The following AGBL4 variants were observed in gnomAD, a reference collection of about 807,000 sequenced individuals.
AGBL4 encodes the protein AGBL carboxypeptidase 4.
Under a neutral mutation model 66.4 loss-of-function variants are expected in AGBL4, and 58 were observed. The observed-to-expected ratio is 0.87, with a 90% confidence interval of 0.71 to 1.09. The LOEUF (loss-of-function observed/expected upper bound fraction) is 1.09, where lower values mean the gene tolerates loss of function less well. Among genes scored for constraint, AGBL4 ranks in the 50% least tolerant of loss-of-function variants. The probability of loss-of-function intolerance (pLI) is 0.00; values close to 1 mark genes in which losing one functional copy is unlikely to be tolerated. For missense variants in AGBL4, 579 were observed against 631.0 expected (o/e 0.92, Z 0.88); for synonymous variants, 234 against 222.9 (o/e 1.05, Z -0.44).
intron 2 of AGBL4, among the ~76,000 whole-genome samples, chr1:49,831,283 T>G (rs1343902969): frequency 6.6e-6 from 1 of 152,218 alleles, no homozygotes; most frequent in East Asian, 1.9e-4. Context: ...TCTTATTTCC[T>G]TGAGCAGTGG....
intron 5 of AGBL4, among the ~76,000 whole-genome samples, chr1:48,984,337 CCT>C (rs141454089): frequency 0.01 from 1,573 of 151,506 alleles, 24 homozygotes; most frequent in African/African-American, 0.037. Flanking sequence ...GGAATGTAGC[CCT>C]CTTTCTGCTA....
chr1:49,391,796 C>A (rs1367333829), intron 3 of AGBL4, among the ~76,000 whole-genome samples: 1 of 152,028 alleles, frequency 6.6e-6, no homozygotes, highest in East Asian at 1.9e-4. Flanking sequence ...CTCCTGACCT[C>A]GTGATCTGCC....
At chr1:49,911,830 A>C (rs1172719144) in intron 1 of AGBL4, among the ~76,000 whole-genome samples, 1 of 152,140 alleles carries the variant, frequency 6.6e-6, no homozygotes, top group Non-Finnish European at 1.5e-5. Flanking sequence ...CACTGGTGAA[A>C]AGGCTCACCT....
At chr1:49,109,404 CT>C (rs1225303675) in intron 4 of AGBL4, among the ~76,000 whole-genome samples, 5 of 152,144 alleles carry the variant, frequency 3.3e-5, no homozygotes, top group African/African-American at 1.2e-4. Flanking sequence ...CTCAAAATCC[CT>C]CTGGCATCTA....
intron 5 of AGBL4, among the ~76,000 whole-genome samples, chr1:49,045,224 C>T (rs1644048605): frequency 6.6e-6 from 1 of 152,128 alleles, no homozygotes. Context: ...TGCTTTCATA[C>T]CTTTTGTAAC....
At chr1:49,405,094 T>C (rs1645168442) in intron 3 of AGBL4, among the ~76,000 whole-genome samples, 1 of 152,196 alleles carries the variant, frequency 6.6e-6, no homozygotes, top group African/African-American at 2.4e-5. Flanking sequence ...TCTCTCAATG[T>C]CTACTTCAAA....
At chr1:49,834,687 C>A (rs1411428964) in intron 2 of AGBL4, among the ~76,000 whole-genome samples, 1 of 152,040 alleles carries the variant, frequency 6.6e-6, no homozygotes, top group South Asian at 2.1e-4. Flanking sequence ...TAGATCTTTC[C>A]CACTTTCTTC....
rs142650354 is a variant in AGBL4, at chr1:49,427,327, T to C, written c.283-181463A>G. Reference sequence around the variant, plus strand: ...AGAGAGTTGAATGTTCTACAGAATATAGGGAGAATTTAGAATTTAGAAAGA... The same window carrying C: ...AGAGAGTTGAATGTTCTACAGAATACAGGGAGAATTTAGAATTTAGAAAGA... On this transcript the variant is annotated intron_variant, in intron 3 of 13. Coordinates refer to ENST00000371839, the MANE Select transcript of AGBL4 (RefSeq NM_032785.4). 2.1e-3 allele frequency among the ~76,000 whole-genome samples: 318 copies of C among 151,970 alleles called. 3 individuals are homozygous for C. The highest frequency in any genetic ancestry group is 4.0e-3 in the Non-Finnish European group (273 of 67,974).
intron 1 of AGBL4, among the ~76,000 whole-genome samples, chr1:49,937,832 T>C (rs895094953): frequency 1.3e-5 from 2 of 151,858 alleles, no homozygotes; most frequent in African/African-American, 4.8e-5. Flanking sequence ...CTGGGACACA[T>C]TCAAAGCAGT....
intron 1 of AGBL4, among the ~76,000 whole-genome samples, chr1:49,868,004 T>G (rs1646746999): frequency 6.6e-6 from 1 of 152,128 alleles, no homozygotes; most frequent in Non-Finnish European, 1.5e-5. Flanking sequence ...AGCCAAATCA[T>G]GAGTGAACTC....
At chr1:49,783,731 CATG>C (rs969414121) in intron 2 of AGBL4, among the ~76,000 whole-genome samples, 33 of 151,988 alleles carry the variant, frequency 2.2e-4, no homozygotes, top group African/African-American at 7.5e-4. Flanking sequence ...TTGCAAATAA[CATG>C]ATACTATATA....
intron 2 of AGBL4, among the ~76,000 whole-genome samples, chr1:49,751,893 A>G (rs1307333118): frequency 6.6e-6 from 1 of 151,308 alleles, no homozygotes; most frequent in Non-Finnish European, 1.5e-5. Context: ...CTCTGATGGT[A>G]GCTTGTATTT....
At chr1:49,688,797 G>A (rs1646833303) in intron 3 of AGBL4, among the ~76,000 whole-genome samples, 1 of 152,106 alleles carries the variant, frequency 6.6e-6, no homozygotes, top group Admixed American at 6.6e-5. Flanking sequence ...TCTAATTGTA[G>A]TTTTGATTTG....
intron 1 of AGBL4, among the ~76,000 whole-genome samples, chr1:49,899,609 A>G (rs1196843941): frequency 6.6e-6 from 1 of 152,200 alleles, no homozygotes; most frequent in Non-Finnish European, 1.5e-5. Context: ...TGTAAAACTA[A>G]GGACATCATA....
At chr1:48,783,601 A>G (rs547328647) in intron 6 of AGBL4, among the ~76,000 whole-genome samples, 6 of 152,314 alleles carry the variant, frequency 3.9e-5, no homozygotes, top group South Asian at 4.1e-4. Flanking sequence ...ATTCACCTCC[A>G]TGAGCCTCAG....
chr1:49,338,574 AG>A (rs1645481132), intron 3 of AGBL4, among the ~76,000 whole-genome samples: 1 of 152,174 alleles, frequency 6.6e-6, no homozygotes, highest in Non-Finnish European at 1.5e-5. Flanking sequence ...GGCTCAGGCT[AG>A]GGTCTGCAGA....
chr1:48,869,301 G>T (rs560381703), intron 5 of AGBL4, among the ~76,000 whole-genome samples: 1 of 152,200 alleles, frequency 6.6e-6, no homozygotes, highest in East Asian at 1.9e-4. Flanking sequence ...TAGAAGGAAC[G>T]CTGGAGCCAG....
chr1:49,957,940 G>A (rs367932280), intron 1 of AGBL4, among the ~76,000 whole-genome samples: 8,763 of 152,170 alleles, frequency 0.058, 341 homozygotes, highest in Middle Eastern at 0.085. Context: ...AGTTGATGCA[G>A]TTTCTTCCTA....
At chr1:49,387,613 C>G (rs1385616249) in intron 3 of AGBL4, among the ~76,000 whole-genome samples, 1 of 152,098 alleles carries the variant, frequency 6.6e-6, no homozygotes, top group Non-Finnish European at 1.5e-5. Flanking sequence ...AATGTCAAAA[C>G]ATTCAAAAAT....
Sources: gnomAD v4.1 joint callset for allele counts (sites outside exome capture counted in the v4.1 genomes callset) on GRCh38, gnomAD v4.1.1 for gene constraint, MANE v1.5 for transcripts, NCBI Gene and HGNC (gene_info 2026-07-23, HGNC 2026-07-21) for gene names.